The following ALDH1L2 variants were observed in gnomAD, a reference collection of about 807,000 sequenced individuals.
The protein encoded by ALDH1L2 is mitochondrial 10-formyltetrahydrofolate dehydrogenase.
In ALDH1L2, 91 loss-of-function variants were observed where a neutral mutation model predicts 111.0. The ratio of observed to expected loss-of-function variants is 0.82; its 90% CI spans 0.69 to 0.98. The LOEUF is 0.98. ALDH1L2 is among the 50% of genes least tolerant of loss of function. The probability of loss-of-function intolerance (pLI) is 0.00; values close to 1 mark genes in which losing one functional copy is unlikely to be tolerated. For synonymous variants in ALDH1L2, 374 were observed against 392.6 expected (o/e 0.95, Z 0.56); for missense variants, 995 against 1,126.8 (o/e 0.88, Z 1.67).
At chr12:105,058,317 T>G in intron 9 of ALDH1L2, 97 bp from the exon 10 acceptor site, 1 of 1,258,238 alleles carries the variant, frequency 7.9e-7, no homozygotes, top group South Asian at 1.7e-5. Flanking sequence ...AGGTAAGACT[T>G]ACATCACATG....
Position 105,030,444 on chromosome 12 carries a change from C to A in ALDH1L2, c.2411-15G>T, listed in dbSNP as rs769850693. ...CATGAAAAAGCCTTTTTGGAAAAAACAAAGAAAAAATGTCAACTGTAGGTT... is the reference window on the plus strand; with the variant it reads ...CATGAAAAAGCCTTTTTGGAAAAAAAAAAGAAAAAATGTCAACTGTAGGTT... On this transcript the variant is annotated splice_polypyrimidine_tract_variant and intron_variant, in intron 20 of 22. Transcript: ENST00000258494. The A allele has an allele frequency of 3.1e-6, 5 of 1,596,468 alleles. No homozygotes were observed. The African/African-American group carries it at 5.4e-5, about 17-fold the overall frequency.
chr12:105,070,672 G>A lies in ALDH1L2; in HGVS notation c.326C>T (p.Thr109Ile), dbSNP rs1032895038. ...GAELNVLPFC[T>I]QFIPMDIIDS... ...AATTATATCCATGGGAATGAACTGA[G>A]TGCAGAAAGGGAGCACATTTAGCTC... Residue 109 changes from threonine to isoleucine, a missense_variant, in exon 3 of 23, where the codon ACT becomes ATT. Physicochemically the swap from Thr to Ile is moderately conservative, Grantham distance 89. Transcript: ENST00000258494. The A allele has an allele frequency of 1.2e-6, 2 of 1,614,170 alleles. No individual in the cohort carries two copies. The highest frequency in any genetic ancestry group is 8.5e-7 in the Non-Finnish European group (1 of 1,179,986).
intron 9 of ALDH1L2, among the ~76,000 whole-genome samples, chr12:105,059,897 A>G (rs1190644825): frequency 6.6e-6 from 1 of 152,220 alleles, no homozygotes; most frequent in Non-Finnish European, 1.5e-5. Context: ...CTTAGCTTCT[A>G]TTCTCTGTAC....
At chr12:105,045,154 G>A (rs906002184) in intron 15 of ALDH1L2, among the ~76,000 whole-genome samples, 2 of 152,130 alleles carry the variant, frequency 1.3e-5, no homozygotes, top group Admixed American at 6.6e-5. Context: ...TGCAACCTCC[G>A]CTCACTGCAA....
intron 2 of ALDH1L2, 162 bp downstream of exon 2, chr12:105,073,699 T>A: frequency 3.1e-6 from 3 of 978,844 alleles, no homozygotes; most frequent in Non-Finnish European, 4.4e-6. Flanking sequence ...ATTATGCCCT[T>A]AATAAAAAGC....
intron 12 of ALDH1L2, 27 bp from the exon 13 acceptor site, chr12:105,050,085 T>G: frequency 6.4e-7 from 1 of 1,550,662 alleles, no homozygotes. Context: ...AGAAATAAAT[T>G]CAACAAGTAT....
Position 105,034,387 on chromosome 12 carries a change from T to C in ALDH1L2, c.2157A>G (p.Ala719=). 1 of 1,611,064 alleles carries C rather than the reference T, an allele frequency of 6.2e-7. No homozygotes were observed. The highest frequency in any genetic ancestry group is 8.5e-7 in the Non-Finnish European group (1 of 1,179,290). ...LDKAVRMGMG[A]VFFNKGENCI... is the part of the protein sequence containing the mutation. ...AGTTCTCTCCTTTGTTGAAAAATAC[T>C]GCTCCCATGCCCTTCAGTGGGAGAA... Residue 719 remains alanine (A), a synonymous_variant, in exon 19 of 23, where the codon GCA becomes GCG. Transcript: ENST00000258494.
In ALDH1L2 at chr12:105,052,100, ATC is replaced by A; in HGVS notation, c.1523_1524del (p.Arg508IlefsTer4). ...AAAAAATAGAAATACCTATACATCA[ATC>A]TTCCTCTTTCTCTTGCATTCATTCT... ...WGRMNARERGRLMYRLADLLE... is the reference protein window; with the variant it reads ...WGRMNARERGXLMYRLADLLE... On this transcript the variant is annotated frameshift_variant, in exon 12 of 23. Transcript: ENST00000258494. LOFTEE classifies it high-confidence loss of function. 9 of 1,604,324 alleles carry A rather than the reference ATC, an allele frequency of 5.6e-6. No individual in the cohort carries two copies. Among genetic ancestry groups the A allele is most frequent in the Non-Finnish European group, 6.8e-6 (8 of 1,176,140 alleles).
intron 9 of ALDH1L2, among the ~76,000 whole-genome samples, chr12:105,058,859 G>A (rs1005062654): frequency 3.9e-5 from 6 of 152,116 alleles, no homozygotes; most frequent in Admixed American, 1.3e-4. Context: ...CTCTAAAAGA[G>A]ATGATACCTT....
At position 105,043,200 on chromosome 12, in the gene ALDH1L2, T is replaced by C. The variant is rs938794309; in HGVS notation, c.1864-2506A>G. ...AAGAGGGTGGCAGTGGTTCCTTCCC[T>C]TGCTCATTTGCCTTCAGAAGATTGC... On this transcript the variant is annotated intron_variant, in intron 15 of 22. Transcript: ENST00000258494. Among the ~76,000 whole-genome samples the C allele has an allele frequency of 7.2e-5, 11 of 152,202 alleles. No individual in the cohort carries two copies. In the South Asian group the frequency reaches 8.3e-4, roughly 11 times the overall value.
intron 5 of ALDH1L2, 42 bp from the exon 6 acceptor site, chr12:105,065,398 GAACCTC>G: frequency 6.5e-7 from 1 of 1,532,768 alleles, no homozygotes; most frequent in Non-Finnish European, 9.0e-7. Flanking sequence ...CTATGGCTGT[GAACCTC>G]AAAGGCAATA....
At chr12:105,070,418 A>G in intron 3 of ALDH1L2, 152 bp downstream of exon 3, 1 of 646,460 alleles carries the variant, frequency 1.5e-6, no homozygotes, top group Non-Finnish European at 2.6e-6. Flanking sequence ...TAATTAAAAA[A>G]GTCTCACTGG....
intron 13 of ALDH1L2, among the ~76,000 whole-genome samples, chr12:105,049,334 T>C (rs1366810671): frequency 6.6e-6 from 1 of 152,206 alleles, no homozygotes; most frequent in Non-Finnish European, 1.5e-5. Flanking sequence ...AAGGCATCCA[T>C]GTCCTCAAGC....
intron 12 of ALDH1L2, chr12:105,050,679 G>A (rs1876202653): frequency 2.2e-6 from 1 of 453,564 alleles, no homozygotes; most frequent in Non-Finnish European, 4.4e-6. Context: ...CTTTGTTCCA[G>A]ATCTTGCTTG....
chr12:105,044,397 C>T (rs530280754), intron 15 of ALDH1L2, among the ~76,000 whole-genome samples: 5 of 151,890 alleles, frequency 3.3e-5, no homozygotes, highest in Admixed American at 1.3e-4. Context: ...CCAATTAAAT[C>T]AGATCCCTCC....
chr12:105,048,502 T>G (rs1307722234), intron 13 of ALDH1L2: 5 of 152,170 alleles, frequency 3.3e-5, no homozygotes, highest in African/African-American at 1.2e-4. Context: ...CTCACTTCCT[T>G]CTTTTTGCTG....
In ALDH1L2 at chr12:105,057,366, TTAAACA is replaced by T. The variant is rs1418878891; in HGVS notation, c.1287+701_1287+706del. On this transcript the variant is annotated intron_variant, in intron 10 of 22. Transcript: ENST00000258494. Reference sequence around the variant, plus strand: ...ACAGTTTGGCAGTTACTCAAAAAAGTTAAACATAGAGTTACCATATGACTCATCAAT... The same window carrying T: ...ACAGTTTGGCAGTTACTCAAAAAAGTTAGAGTTACCATATGACTCATCAAT... Among the ~76,000 whole-genome samples, 4 of 152,242 alleles carry T rather than the reference TTAAACA, an allele frequency of 2.6e-5. No homozygotes were observed. In the East Asian group the frequency reaches 7.7e-4, roughly 29 times the overall value.
chr12:105,070,932 GATT>G, intron 2 of ALDH1L2, 128 bp from the exon 3 acceptor site: 2 of 795,962 alleles, frequency 2.5e-6, no homozygotes, highest in Non-Finnish European at 3.9e-6. Context: ...GAACAATTTA[GATT>G]GTGACTAGAA....
At chr12:105,059,050 C>T (rs1876819136) in intron 9 of ALDH1L2, among the ~76,000 whole-genome samples, 1 of 151,738 alleles carries the variant, frequency 6.6e-6, no homozygotes, top group Non-Finnish European at 1.5e-5. Context: ...GGGTGGATCA[C>T]GAGGTCAGGA....
Sources: gnomAD v4.1 joint callset for allele counts (sites outside exome capture counted in the v4.1 genomes callset) on GRCh38, gnomAD v4.1.1 for gene constraint, MANE v1.5 for transcripts, NCBI Gene and HGNC (gene_info 2026-07-23, HGNC 2026-07-21) for gene names.